The following CEP95 variants were observed in gnomAD, a reference collection of about 807,000 sequenced individuals.
CEP95 encodes centrosomal protein of 95 kDa.
CEP95 carries 98 observed loss-of-function variants against 111.2 expected under a neutral mutation model. The ratio of observed to expected loss-of-function variants is 0.88; its 90% CI spans 0.75 to 1.04. The LOEUF (loss-of-function observed/expected upper bound fraction) is 1.04. Among genes scored for constraint, CEP95 ranks in the 50% least tolerant of loss-of-function variants. The probability of loss-of-function intolerance (pLI) is 0.00; values close to 1 mark genes in which losing one functional copy is unlikely to be tolerated. For synonymous variants in CEP95, 323 were observed against 327.1 expected (o/e 0.99, Z 0.14); for missense variants, 1,027 against 977.2 (o/e 1.05, Z -0.68).
chr17:64,529,404 G>C lies in CEP95; in HGVS notation c.1423G>C (p.Asp475His). 6.2e-7 allele frequency: 1 copy of C among 1,613,782 alleles called. No individual in the cohort carries two copies. The highest frequency in any genetic ancestry group is 8.5e-7 in the Non-Finnish European group (1 of 1,179,776). Residue 475 changes from aspartate (D) to histidine (H), a missense_variant, in exon 12 of 20, where the codon GAT becomes CAT. Transcript: ENST00000556440. ...AAGGCAGCGCAAGCCAAGAGAAACA[G>C]ATGTCCGCCAATTCCAAGCACAGGT... ...RKRQRKPRET[D>H]VRQFQAQAFT...
intron 7 of CEP95, among the ~76,000 whole-genome samples, chr17:64,521,768 T>A (rs543777774): frequency 2.0e-5 from 3 of 152,274 alleles, no homozygotes; most frequent in Admixed American, 2.0e-4. Flanking sequence ...CTTTTTTTTT[T>A]AATGGGACAG....
At chr17:64,521,565 A>T (rs1555677861) in intron 7 of CEP95, 38 bp downstream of exon 7, 1 of 1,590,702 alleles carries the variant, frequency 6.3e-7, no homozygotes, top group East Asian at 2.3e-5. Context: ...ACTGCTGATG[A>T]TCATTCTTGG....
In CEP95 at chr17:64,537,099, A is replaced by G. The variant is rs1555681736; in HGVS notation, c.2276A>G (p.Lys759Arg). ...CATCAAGAACTTAAAGCCAGAGAGA[A>G]ATCTCAGGCCCAGGTAATAATTAAG... Reference protein sequence around the residue: ...QEHQELKAREKSQAQTLHKVK... With the variant: ...QEHQELKARERSQAQTLHKVK... Residue 759 changes from lysine (K) to arginine (R), a missense_variant, in exon 19 of 20, where the codon AAA becomes AGA. Coordinates refer to ENST00000556440, the MANE Select transcript of CEP95 (RefSeq NM_138363.3). The G allele has an allele frequency of 6.2e-7, 1 of 1,612,576 alleles. No individual in the cohort carries two copies. Among genetic ancestry groups the G allele is most frequent in the Admixed American group, 1.7e-5 (1 of 59,924 alleles).
intron 5 of CEP95, 34 bp from the exon 6 acceptor site, chr17:64,519,287 G>C: frequency 1.4e-6 from 2 of 1,481,064 alleles, no homozygotes; most frequent in Non-Finnish European, 1.9e-6. Flanking sequence ...CTCTGGTCAG[G>C]CTGGGCCCTG....
chr17:64,530,340 T>G (rs1254518469), intron 12 of CEP95, among the ~76,000 whole-genome samples: 2 of 152,146 alleles, frequency 1.3e-5, no homozygotes, highest in Non-Finnish European at 2.9e-5. Context: ...GAGCTGAGTT[T>G]GTGCCACTGC....
intron 3 of CEP95, among the ~76,000 whole-genome samples, chr17:64,513,363 C>G (rs782628662): frequency 6.6e-6 from 1 of 152,278 alleles, no homozygotes. Context: ...GGGTTAAGTA[C>G]TATCTATACC....
intron 9 of CEP95, 45 bp from the exon 10 acceptor site, chr17:64,526,026 T>TA: frequency 6.3e-7 from 1 of 1,588,352 alleles, no homozygotes; most frequent in Non-Finnish European, 8.6e-7. Flanking sequence ...AACTAAATAA[T>TA]AGACACCTAG....
intron 11 of CEP95, 44 bp downstream of exon 11, chr17:64,527,308 C>G (rs1406756689): frequency 1.4e-6 from 2 of 1,471,252 alleles, no homozygotes. Context: ...TCCATGTGAA[C>G]TACTTAGGCA....
intron 5 of CEP95, among the ~76,000 whole-genome samples, chr17:64,518,222 ATCAT>A (rs1369269392): frequency 6.6e-6 from 1 of 152,262 alleles, no homozygotes; most frequent in African/African-American, 2.4e-5. Flanking sequence ...ACTGTATAAC[ATCAT>A]TCATGTGGAT....
chr17:64,508,365 CTA>C (rs2038695394), intron 1 of CEP95: 4 of 984,978 alleles, frequency 4.1e-6, no homozygotes, highest in African/African-American at 1.7e-5. Context: ...ATAGTTTTGA[CTA>C]TGTAGAAATT....
intron 1 of CEP95, chr17:64,507,608 G>C: frequency 1.0e-6 from 1 of 992,822 alleles, no homozygotes; most frequent in East Asian, 1.1e-4. Flanking sequence ...CATGGGCTTT[G>C]TCTAGCACCG....
chr17:64,519,130 A>T (rs1967111655), intron 5 of CEP95, among the ~76,000 whole-genome samples, 191 bp from the exon 6 acceptor site: 1 of 152,222 alleles, frequency 6.6e-6, no homozygotes, highest in African/African-American at 2.4e-5. Flanking sequence ...TATACATTTA[A>T]TCGTTGACAC....
intron 4 of CEP95, chr17:64,515,629 T>G (rs782514496): frequency 1.3e-5 from 2 of 152,168 alleles, no homozygotes; most frequent in Non-Finnish European, 2.9e-5. Flanking sequence ...CAGTATGTGG[T>G]GAGCTACTGG....
intron 17 of CEP95, 92 bp downstream of exon 17, chr17:64,534,829 T>C: frequency 6.8e-7 from 1 of 1,466,494 alleles, no homozygotes. Flanking sequence ...TTGTCCAAAT[T>C]TGAATCCAAA....
chr17:64,528,920 C>T (rs1307637588), intron 11 of CEP95, among the ~76,000 whole-genome samples: 1 of 152,170 alleles, frequency 6.6e-6, no homozygotes, highest in African/African-American at 2.4e-5. Context: ...ATGCTTACAT[C>T]CCACCTTCTC....
chr17:64,514,246 A>T lies in CEP95; in HGVS notation c.257-2A>T. On this transcript the variant is annotated splice_acceptor_variant, in intron 3 of 19. Coordinates refer to ENST00000556440, the MANE Select transcript of CEP95 (RefSeq NM_138363.3). LOFTEE classifies it high-confidence loss of function. ...TTTAATAGCTCTATATTCTGTCTCC[A>T]GGAGAAAATATAGTGAAAGGAGATA... 1 of 1,206,542 alleles carries T rather than the reference A, an allele frequency of 8.3e-7. No homozygotes were observed. The allele number at this position is 1,206,542 out of a possible 1,614,324, so 74.7% of individuals were successfully genotyped here.
intron 11 of CEP95, among the ~76,000 whole-genome samples, chr17:64,527,864 GTGTGTGTA>G (rs1216777484): frequency 3.8e-5 from 5 of 131,736 alleles, no homozygotes; most frequent in African/African-American, 1.5e-4. Flanking sequence ...GTGTGTGTGT[GTGTGTGTA>G]TATATATATA....
chr17:64,537,672 A>G lies in CEP95; in HGVS notation c.2359A>G (p.Ile787Val), dbSNP rs782237628. The change falls in exon 20 of 20, where the codon ATA (isoleucine) becomes GTA (valine). Residue 787 changes from isoleucine (I) to valine (V), a missense_variant. Physicochemically the swap from Ile to Val is conservative, Grantham distance 29. Coordinates refer to ENST00000556440, the MANE Select transcript of CEP95 (RefSeq NM_138363.3). ...GGAAATTCAGCAGCTGCAGGACATG[A>G]TAACACAGAATGATGATGATGTTTT... The part of the protein sequence containing the change: ...EKEIQQLQDM[I>V]TQNDDDVFFR... 1.8e-5 allele frequency: 29 copies of G among 1,613,436 alleles called. No individual in the cohort carries two copies. The Admixed American group carries it at 3.8e-4, about 21-fold the overall frequency.
intron 16 of CEP95, chr17:64,534,093 G>C (rs562307101): frequency 1.3e-5 from 2 of 158,912 alleles, no homozygotes; most frequent in Non-Finnish European, 2.8e-5. Flanking sequence ...AGGAACTGCA[G>C]ATGGTACTTT....
Sources: gnomAD v4.1 joint callset for allele counts (sites outside exome capture counted in the v4.1 genomes callset) on GRCh38, gnomAD v4.1.1 for gene constraint, MANE v1.5 for transcripts, NCBI Gene and HGNC (gene_info 2026-07-23, HGNC 2026-07-21) for gene names.